VPS37A: variants seen among roughly 807,000 people sequenced by gnomAD.
VPS37A encodes VPS37A subunit of ESCRT-I, also known as vacuolar protein sorting-associated protein 37A.
A neutral mutation model predicts 49.8 loss-of-function variants in VPS37A; 30 were observed. That is an observed-to-expected ratio of 0.60 (90% CI 0.45 to 0.82). VPS37A has a LOEUF of 0.82. Among genes scored for constraint, VPS37A ranks in the 40% least tolerant of loss-of-function variants. VPS37A has a pLI of 0.00. For synonymous variants in VPS37A, 195 were observed against 160.6 expected (o/e 1.21, Z -1.62); for missense variants, 593 against 464.4 (o/e 1.28, Z -2.55).
intron 1 of VPS37A, among the ~76,000 whole-genome samples, chr8:17,262,298 G>A (rs1188843927): frequency 6.6e-6 from 1 of 152,102 alleles, no homozygotes; most frequent in Non-Finnish European, 1.5e-5. Context: ...GCTTGCTTCT[G>A]TGACACCATT....
At chr8:17,308,458 A>G in the VPS37A span, among the ~76,000 whole-genome samples, 1 of 152,216 alleles carries the variant, frequency 6.6e-6, no homozygotes, top group Non-Finnish European at 1.5e-5. Context: ...ATTAGTGATC[A>G]ATTAATGCTA....
chr8:17,269,169 A>G (rs1025209231), intron 4 of VPS37A, among the ~76,000 whole-genome samples: 4 of 152,170 alleles, frequency 2.6e-5, no homozygotes, highest in African/African-American at 7.2e-5. Flanking sequence ...GCGTACTTCT[A>G]TCACTCGATT....
intron 1 of VPS37A, among the ~76,000 whole-genome samples, chr8:17,250,628 C>G (rs912263974): frequency 6.6e-6 from 1 of 152,166 alleles, no homozygotes; most frequent in Non-Finnish European, 1.5e-5. Flanking sequence ...TCTGTCATCT[C>G]CCTTCCAACT....
chr8:17,283,472 A>G (rs1024640363), intron 9 of VPS37A, among the ~76,000 whole-genome samples: 2 of 152,174 alleles, frequency 1.3e-5, no homozygotes, highest in African/African-American at 4.8e-5. Context: ...CTATTATTAA[A>G]AAATCATTTT....
rs190035964 is a variant in VPS37A at position 17,297,276 on chromosome 8, A to G, written c.*2290A>G. 11 of 152,270 alleles carry G rather than the reference A, an allele frequency of 7.2e-5. No individual in the cohort carries two copies. In the East Asian group the frequency reaches 1.2e-3, roughly 16 times the overall value. The allele number at this position is 152,270 out of a possible 1,614,324, so 9.4% of individuals were successfully genotyped here. A position where few individuals can be genotyped will look rare whatever the true frequency, so the allele number is the denominator to read the frequency against. ...TAAAATAGAAGAAAATTCTAAATCA[A>G]TCAATCAGTGAGATATAAACTAAAC... On this transcript the variant is annotated 3_prime_UTR_variant, in exon 12 of 12. Transcript: ENST00000324849.
At chr8:17,273,592 C>G (rs1417452321) in intron 4 of VPS37A, among the ~76,000 whole-genome samples, 1 of 151,906 alleles carries the variant, frequency 6.6e-6, no homozygotes, top group African/African-American at 2.4e-5. Context: ...GGTCTCGATC[C>G]CCTGACCTCA....
chr8:17,323,440 G>A, the VPS37A span, among the ~76,000 whole-genome samples: 2 of 152,058 alleles, frequency 1.3e-5, no homozygotes, highest in Non-Finnish European at 2.9e-5. Flanking sequence ...AGGGTTTAAG[G>A]GATGCTAAAA....
At chr8:17,260,454 A>T (rs1003965503) in intron 1 of VPS37A, among the ~76,000 whole-genome samples, 1 of 151,920 alleles carries the variant, frequency 6.6e-6, no homozygotes, top group Non-Finnish European at 1.5e-5. Context: ...ATAGATTTTT[A>T]TTTTGGGCCT....
intron 1 of VPS37A, among the ~76,000 whole-genome samples, chr8:17,252,971 T>G (rs770482140): frequency 1.3e-5 from 2 of 152,190 alleles, no homozygotes; most frequent in Non-Finnish European, 2.9e-5. Context: ...TTTGACACAT[T>G]AAATTATATT....
At chr8:17,266,691 A>G (rs763493683) in intron 2 of VPS37A, among the ~76,000 whole-genome samples, 1 of 152,234 alleles carries the variant, frequency 6.6e-6, no homozygotes, top group Admixed American at 6.5e-5. Context: ...CTGCCTGTAC[A>G]TAGGAGACCT....
intron 1 of VPS37A, among the ~76,000 whole-genome samples, chr8:17,264,161 T>G (rs73200934): frequency 6.6e-6 from 1 of 152,072 alleles, no homozygotes; most frequent in Non-Finnish European, 1.5e-5. Context: ...AAGGCTTAAC[T>G]TACCCATGAC....
At position 17,265,937 on chromosome 8, in the gene VPS37A, C is replaced by T. The variant is rs1813407799; in HGVS notation, c.156C>T (p.Tyr52=). 1 of 1,613,382 alleles carries T rather than the reference C, an allele frequency of 6.2e-7. No individual in the cohort carries two copies. Among genetic ancestry groups the T allele is most frequent in the Non-Finnish European group, 8.5e-7 (1 of 1,179,634 alleles). ...CCGAAATACAGAAAGATGTGGAATA[C>T]AGATTGCCATTCACCATAAACAACC... The part of the protein sequence containing the change: ...SIAEIQKDVE[Y]RLPFTINNLT... The change falls in exon 2 of 12, where the codon TAC becomes TAT. Residue 52 remains tyrosine (Y), a synonymous_variant. Coordinates refer to ENST00000324849, the MANE Select transcript of VPS37A (RefSeq NM_152415.3).
chr8:17,319,116 T>C, the VPS37A span, among the ~76,000 whole-genome samples: 2 of 152,178 alleles, frequency 1.3e-5, no homozygotes, highest in Admixed American at 1.3e-4. Flanking sequence ...AATCATGATA[T>C]ACGCATGGGC....
chr8:17,323,094 T>C, the VPS37A span, among the ~76,000 whole-genome samples: 1 of 151,484 alleles, frequency 6.6e-6, no homozygotes, highest in Non-Finnish European at 1.5e-5. Flanking sequence ...ACTACAGGCA[T>C]ACACCACCAC....
intron 10 of VPS37A, among the ~76,000 whole-genome samples, chr8:17,285,537 T>C (rs780395811): frequency 2.6e-5 from 4 of 152,214 alleles, no homozygotes; most frequent in African/African-American, 4.8e-5. Context: ...ATTTTAAAAA[T>C]AGTATTTTGT....
chr8:17,306,368 G>A (rs938642772), downstream of VPS37A, among the ~76,000 whole-genome samples: 1 of 151,794 alleles, frequency 6.6e-6, no homozygotes, highest in African/African-American at 2.4e-5. Flanking sequence ...TTGTTGGGAA[G>A]GGATGAGGAA....
chr8:17,323,222 C>G, the VPS37A span, among the ~76,000 whole-genome samples: 1 of 151,990 alleles, frequency 6.6e-6, no homozygotes, highest in African/African-American at 2.4e-5. Context: ...GCTGAGATTA[C>G]AGGTATGAGC....
At chr8:17,284,662 G>C in intron 10 of VPS37A, 46 bp downstream of exon 10, 1 of 1,540,242 alleles carries the variant, frequency 6.5e-7, no homozygotes, top group South Asian at 1.3e-5. Context: ...ATAAAGTTTG[G>C]TATTTTTATA....
chr8:17,271,975 T>C, intron 4 of VPS37A: 2 of 456,674 alleles, frequency 4.4e-6, no homozygotes. Flanking sequence ...TTCTCTCTCT[T>C]CTCACATTTT....
Sources: allele counts gnomAD v4.1 joint callset (sites outside exome capture counted in the v4.1 genomes callset), GRCh38; gene constraint gnomAD v4.1.1; transcripts MANE v1.5; gene names NCBI Gene and HGNC (gene_info 2026-07-23, HGNC 2026-07-21).